Variants in MORN1 observed in about 807,000 individuals in gnomAD.
MORN1 encodes the protein MORN repeat containing 1, also known as MORN repeat-containing protein 1.
In MORN1, 67 loss-of-function variants were observed where a neutral mutation model predicts 61.9. The ratio of observed to expected loss-of-function variants is 1.08; its 90% confidence interval spans 0.89 to 1.33. The LOEUF is 1.33. Ranked by LOEUF, MORN1 falls within the 40% of genes most tolerant of loss-of-function variation. MORN1 has a pLI of 0.00. For missense variants in MORN1, 752 were observed against 691.2 expected (o/e 1.09, Z -0.99); for synonymous variants, 301 against 292.0 (o/e 1.03, Z -0.31).
chr1:2,364,039 C>T (rs116330799), intron 8 of MORN1, among the ~76,000 whole-genome samples: 30 of 152,104 alleles, frequency 2.0e-4, no homozygotes, highest in Admixed American at 9.8e-4. Context: ...AAAAGCAAGA[C>T]GACGATATGC....
intron 12 of MORN1, among the ~76,000 whole-genome samples, chr1:2,335,838 CA>C: frequency 6.6e-6 from 1 of 151,528 alleles, no homozygotes; most frequent in African/African-American, 2.5e-5. Context: ...TAGCCCAGCC[CA>C]GCCCAGCGCG....
At chr1:2,338,182 C>T (rs545706201) in intron 10 of MORN1, among the ~76,000 whole-genome samples, 1 of 152,274 alleles carries the variant, frequency 6.6e-6, no homozygotes, top group Non-Finnish European at 1.5e-5. Flanking sequence ...GACAGAGACG[C>T]TAGGGAGAGC....
At chr1:2,358,561 G>T (rs777467699) in intron 9 of MORN1, 31 bp downstream of exon 9, 2 of 1,613,496 alleles carry the variant, frequency 1.2e-6, no homozygotes, top group East Asian at 2.2e-5. Context: ...AACAAACTCA[G>T]AACTAACTCA....
At chr1:2,385,251 GACAC>G (rs1376988799) in intron 5 of MORN1, 186 bp from the exon 6 acceptor site, 2 of 614,446 alleles carry the variant, frequency 3.3e-6, no homozygotes, top group Non-Finnish European at 2.9e-6. Flanking sequence ...AGGCGGTGGG[GACAC>G]GTCCGCCCAC....
intron 10 of MORN1, among the ~76,000 whole-genome samples, chr1:2,355,987 C>A (rs1641755033): frequency 6.6e-6 from 1 of 152,182 alleles, no homozygotes. Flanking sequence ...CGGACTCCGG[C>A]TTGGGAAGGG....
chr1:2,348,988 CTTT>C (rs1420991936), intron 10 of MORN1, among the ~76,000 whole-genome samples: 1 of 152,186 alleles, frequency 6.6e-6, no homozygotes, highest in Non-Finnish European at 1.5e-5. Context: ...GTCCCCACTT[CTTT>C]GTGTCCACAG....
chr1:2,322,919 G>A, intron 13 of MORN1: 1 of 985,434 alleles, frequency 1.0e-6, no homozygotes, highest in Non-Finnish European at 1.2e-6. Context: ...GGCCTCGACG[G>A]CCACGTGATC....
At chr1:2,323,414 T>C (rs1012151818) in intron 13 of MORN1, 22 of 985,272 alleles carry the variant, frequency 2.2e-5, no homozygotes, top group Non-Finnish European at 2.2e-5. Flanking sequence ...GGGTCATTCA[T>C]GTTGGCCCAG....
chr1:2,338,659 A>G (rs2843142), intron 10 of MORN1, among the ~76,000 whole-genome samples: 89,553 of 152,034 alleles, frequency 0.59, 27,288 homozygotes, highest in African/African-American at 0.75. Context: ...GTGGGAGTTT[A>G]GAAAAGGTAT....
At chr1:2,361,684 A>G (rs1641893432) in intron 8 of MORN1, among the ~76,000 whole-genome samples, 1 of 152,240 alleles carries the variant, frequency 6.6e-6, no homozygotes, top group African/African-American at 2.4e-5. Context: ...ATCGCAGAAG[A>G]AAAGATTTAT....
At chr1:2,338,153 C>T (rs1169031619) in intron 10 of MORN1, among the ~76,000 whole-genome samples, 1 of 152,194 alleles carries the variant, frequency 6.6e-6, no homozygotes, top group African/African-American at 2.4e-5. Flanking sequence ...TTTCCCGGAG[C>T]CCAGCTTCTG....
chr1:2,335,813 G>A (rs191533663), intron 12 of MORN1, among the ~76,000 whole-genome samples: 2 of 140,978 alleles, frequency 1.4e-5, no homozygotes. Context: ...ATCAGCGGGG[G>A]CCTCCTCGCC....
At chr1:2,323,030 G>T (rs1027169259) in intron 13 of MORN1, 1 of 985,454 alleles carries the variant, frequency 1.0e-6, no homozygotes. Context: ...CACCCCCAGG[G>T]CTGTCTCCGC....
intron 13 of MORN1, chr1:2,322,397 A>G: frequency 4.1e-6 from 4 of 985,348 alleles, no homozygotes; most frequent in Non-Finnish European, 4.8e-6. Flanking sequence ...AAGGCAGAGC[A>G]ACATTCCAGA....
At chr1:2,378,240 CCCT>C (rs1031756220) in intron 6 of MORN1, 3 of 152,706 alleles carry the variant, frequency 2.0e-5, no homozygotes, top group Non-Finnish European at 4.4e-5. Flanking sequence ...ACAGCCGGCC[CCCT>C]CCTCTGCCCC....
intron 10 of MORN1, among the ~76,000 whole-genome samples, chr1:2,356,744 G>GCA (rs1641779417): frequency 6.6e-6 from 1 of 152,168 alleles, no homozygotes; most frequent in Non-Finnish European, 1.5e-5. Context: ...GGTTTGAATC[G>GCA]CACACACTGC....
At chr1:2,382,427 G>A (rs758538812) in intron 6 of MORN1, among the ~76,000 whole-genome samples, 9 of 152,218 alleles carry the variant, frequency 5.9e-5, no homozygotes, top group Non-Finnish European at 1.3e-4. Flanking sequence ...AGCAGCGCCT[G>A]GCACCCAGGA....
chr1:2,349,509 C>T (rs1228901837), intron 10 of MORN1, among the ~76,000 whole-genome samples: 2 of 152,170 alleles, frequency 1.3e-5, no homozygotes, highest in Non-Finnish European at 1.5e-5. Flanking sequence ...AACATGATAT[C>T]TTTTTATACT....
chr1:2,328,320 G>A (rs776791551), intron 12 of MORN1, among the ~76,000 whole-genome samples: 2 of 152,220 alleles, frequency 1.3e-5, no homozygotes, highest in African/African-American at 2.4e-5. Flanking sequence ...CTGGCCTGGT[G>A]TCCGGGCTCC....
Sources: gnomAD v4.1 joint callset for allele counts (sites outside exome capture counted in the v4.1 genomes callset) on GRCh38, gnomAD v4.1.1 for gene constraint, MANE v1.5 for transcripts, NCBI Gene and HGNC (gene_info 2026-07-23, HGNC 2026-07-21) for gene names.